SUSD1: variants seen among roughly 807,000 people sequenced by gnomAD.
SUSD1 encodes the protein sushi domain-containing protein 1.
A neutral mutation model predicts 86.9 loss-of-function variants in SUSD1; 65 were observed. The ratio of observed to expected loss-of-function variants is 0.75; its 90% confidence interval spans 0.61 to 0.92. The LOEUF (loss-of-function observed/expected upper bound fraction) is 0.92, where lower values mean the gene tolerates loss of function less well. Ranked by LOEUF, SUSD1 falls within the 40% of genes least tolerant of loss-of-function variation. The probability of loss-of-function intolerance (pLI) is 0.00; values close to 1 mark genes in which losing one functional copy is unlikely to be tolerated. For missense variants in SUSD1, 850 were observed against 929.7 expected (o/e 0.91, Z 1.11); for synonymous variants, 346 against 350.0 (o/e 0.99, Z 0.13).
At chr9:112,069,617 T>C (rs1283820787) in intron 12 of SUSD1, among the ~76,000 whole-genome samples, 1 of 152,166 alleles carries the variant, frequency 6.6e-6, no homozygotes, top group Non-Finnish European at 1.5e-5. Context: ...TTATTACGTG[T>C]CTCCTCTTCT....
rs770521624 is a variant in SUSD1 at position 112,142,476 on chromosome 9, C to G, written c.550G>C (p.Glu184Gln). 1 of 1,613,028 alleles carries G rather than the reference C, an allele frequency of 6.2e-7. No homozygotes were observed. The highest frequency in any genetic ancestry group is 1.1e-5 in the South Asian group (1 of 90,926). The change falls in exon 5 of 17, where the codon GAG becomes CAG. Residue 184 changes from glutamate to glutamine, a missense_variant. Coordinates refer to ENST00000374270, the MANE Select transcript of SUSD1 (RefSeq NM_022486.5). ...CCTATGATATAGCCATCTGGAACCT[C>G]AGGAGGGGTACCACAGTCTATTTCT... ...CTEIDCGTPP[E>Q]VPDGYIIGNY... is the part of the protein sequence containing the mutation.
intron 1 of SUSD1, among the ~76,000 whole-genome samples, chr9:112,165,885 AAAAGAAAG>A (rs149320406): frequency 5.7e-5 from 6 of 104,360 alleles, no homozygotes; most frequent in African/African-American, 2.1e-4. Flanking sequence ...AAGAGAAAGA[AAAAGAAAG>A]AAAGAAAGGA....
chr9:112,048,592 G>T (rs1476185224), intron 15 of SUSD1, among the ~76,000 whole-genome samples: 2 of 152,084 alleles, frequency 1.3e-5, no homozygotes, highest in Non-Finnish European at 2.9e-5. Context: ...TGCATGCCAG[G>T]CTCTGTTCCT....
chr9:112,126,966 G>A (rs1295585732), intron 5 of SUSD1, among the ~76,000 whole-genome samples: 1 of 152,154 alleles, frequency 6.6e-6, no homozygotes, highest in African/African-American at 2.4e-5. Flanking sequence ...CCACTGTACA[G>A]GCAAAGACTG....
At chr9:112,173,073 T>C (rs77111855) in intron 1 of SUSD1, among the ~76,000 whole-genome samples, 5,198 of 152,248 alleles carry the variant, frequency 0.034, 214 homozygotes, top group African/African-American at 0.087. Context: ...AATGGGATCA[T>C]ACTGGACAGT....
intron 15 of SUSD1, among the ~76,000 whole-genome samples, chr9:112,043,146 A>G (rs2118821135): frequency 6.6e-6 from 1 of 152,312 alleles, no homozygotes; most frequent in East Asian, 1.9e-4. Flanking sequence ...TGGGGACTAG[A>G]CTGCCTTTGC....
At chr9:112,154,335 C>CAA (rs887833151) in intron 2 of SUSD1, among the ~76,000 whole-genome samples, 16 of 70,370 alleles carry the variant, frequency 2.3e-4, no homozygotes, top group East Asian at 9.1e-4. Context: ...CACACACACA[C>CAA]AAAAAAAAAA....
At chr9:112,130,553 AAAAGAAAGG>A (rs1056491284) in intron 5 of SUSD1, among the ~76,000 whole-genome samples, 8 of 149,722 alleles carry the variant, frequency 5.3e-5, no homozygotes, top group Admixed American at 2.7e-4. Context: ...GGAAGGAAAG[AAAAGAAAGG>A]AAAGAAAGGA....
intron 5 of SUSD1, among the ~76,000 whole-genome samples, chr9:112,126,830 C>T (rs1443871173): frequency 6.6e-6 from 1 of 152,144 alleles, no homozygotes; most frequent in Non-Finnish European, 1.5e-5. Context: ...CGCACACCCT[C>T]AGCTGACAAT....
intron 14 of SUSD1, among the ~76,000 whole-genome samples, chr9:112,053,972 G>A (rs1828337021): frequency 6.6e-6 from 1 of 152,224 alleles, no homozygotes; most frequent in Non-Finnish European, 1.5e-5. Flanking sequence ...GACATGATTT[G>A]CTGATGATCT....
At chr9:112,111,964 C>T (rs951338022) in intron 7 of SUSD1, 124 bp from the exon 8 acceptor site, 11 of 981,540 alleles carry the variant, frequency 1.1e-5, no homozygotes, top group African/African-American at 6.5e-5. Flanking sequence ...AGGGAGCATT[C>T]GTAAGGTAAA....
At chr9:112,064,904 G>A (rs10817259) in intron 12 of SUSD1, among the ~76,000 whole-genome samples, 35,481 of 149,290 alleles carry the variant, frequency 0.24, 4,600 homozygotes, top group Non-Finnish European at 0.3. Context: ...AGAAGCCTCA[G>A]ACCCAAACCA....
At chr9:112,055,969 T>C (rs1313799717) in intron 14 of SUSD1, among the ~76,000 whole-genome samples, 1 of 152,060 alleles carries the variant, frequency 6.6e-6, no homozygotes, top group African/African-American at 2.4e-5. Flanking sequence ...TTCATAAAGA[T>C]GGAAAGTAGG....
intron 10 of SUSD1, among the ~76,000 whole-genome samples, chr9:112,084,588 T>C (rs1196327537): frequency 6.6e-6 from 1 of 152,150 alleles, no homozygotes; most frequent in African/African-American, 2.4e-5. Flanking sequence ...CTAGGTTCGC[T>C]TCCCTCCATT....
intron 8 of SUSD1, among the ~76,000 whole-genome samples, chr9:112,106,779 AT>A (rs1486353966): frequency 1.1e-5 from 1 of 94,630 alleles, no homozygotes. Context: ...AACTTATCTC[AT>A]TCAGGGAAAA....
At chr9:112,066,639 C>T (rs1828990628) in intron 12 of SUSD1, among the ~76,000 whole-genome samples, 1 of 152,164 alleles carries the variant, frequency 6.6e-6, no homozygotes, top group African/African-American at 2.4e-5. Flanking sequence ...CTGAGATTCT[C>T]CGAGTCCGTA....
chr9:112,095,783 G>A (rs1171768212), intron 10 of SUSD1, among the ~76,000 whole-genome samples: 3 of 152,202 alleles, frequency 2.0e-5, no homozygotes, highest in Non-Finnish European at 4.4e-5. Context: ...AAGCATGCAA[G>A]ATGATGCATT....
At chr9:112,081,610 A>G (rs1829770405) in intron 10 of SUSD1, among the ~76,000 whole-genome samples, 1 of 152,250 alleles carries the variant, frequency 6.6e-6, no homozygotes, top group Non-Finnish European at 1.5e-5. Context: ...CTATACAAAA[A>G]GGTGGAAGGG....
chr9:112,160,883 C>A (rs180804464), intron 1 of SUSD1, among the ~76,000 whole-genome samples: 1 of 152,108 alleles, frequency 6.6e-6, no homozygotes, highest in Non-Finnish European at 1.5e-5. Context: ...TCACTGATGC[C>A]GCACAAAACA....
Sources: gnomAD v4.1 joint callset for allele counts (sites outside exome capture counted in the v4.1 genomes callset) on GRCh38, gnomAD v4.1.1 for gene constraint, MANE v1.5 for transcripts, NCBI Gene and HGNC (gene_info 2026-07-23, HGNC 2026-07-21) for gene names.